The following LIG1 variants were observed in gnomAD, a reference collection of about 807,000 sequenced individuals.
LIG1 encodes ligase I, DNA, ATP-dependent.
LIG1 carries 70 observed loss-of-function variants against 115.7 expected under a neutral mutation model. The ratio of observed to expected loss-of-function variants is 0.60; its 90% CI spans 0.50 to 0.74. LIG1 has a LOEUF of 0.74. LIG1 is among the 30% of genes least tolerant of loss of function. The pLI, the probability that LIG1 is intolerant of heterozygous loss-of-function variation, is 0.00. For missense variants in LIG1, 1,115 were observed against 1,225.6 expected (o/e 0.91, Z 1.35); for synonymous variants, 487 against 495.3 (o/e 0.98, Z 0.22).
At chr19:48,125,364 A>T (rs2033594051) in intron 21 of LIG1, among the ~76,000 whole-genome samples, 1 of 152,152 alleles carries the variant, frequency 6.6e-6, no homozygotes, top group African/African-American at 2.4e-5. Flanking sequence ...TCAGACTCTG[A>T]CTGTCTTCCT....
At chr19:48,123,974 G>C (rs903943206) in intron 21 of LIG1, among the ~76,000 whole-genome samples, 3 of 152,202 alleles carry the variant, frequency 2.0e-5, no homozygotes, top group African/African-American at 7.2e-5. Flanking sequence ...CCTTGCAAGA[G>C]TGTGTGTCAG....
At chr19:48,159,799 G>T (rs546388416) in intron 4 of LIG1, among the ~76,000 whole-genome samples, 3 of 152,146 alleles carry the variant, frequency 2.0e-5, no homozygotes, top group African/African-American at 7.2e-5. Flanking sequence ...CTCACTGCAA[G>T]CTCCGCCTCC....
At chr19:48,131,249 G>C (rs1474981004) in intron 18 of LIG1, 78 bp from the exon 19 acceptor site, 1 of 1,031,536 alleles carries the variant, frequency 9.7e-7, no homozygotes, top group African/African-American at 1.6e-5. Flanking sequence ...GACCCCACCT[G>C]CACTGGTAGA....
chr19:48,133,294 G>C, intron 17 of LIG1, 197 bp from the exon 18 acceptor site: 2 of 598,668 alleles, frequency 3.3e-6, no homozygotes, highest in East Asian at 5.6e-5. Flanking sequence ...AGGTGGGAAA[G>C]GCCATGTGAT....
intron 12 of LIG1, among the ~76,000 whole-genome samples, chr19:48,139,403 T>A (rs1439756513): frequency 6.6e-6 from 1 of 152,292 alleles, no homozygotes; most frequent in South Asian, 2.1e-4. Flanking sequence ...TTCTCTCTTC[T>A]CTACAGCTGG....
At chr19:48,128,371 G>A (rs987206069) in intron 19 of LIG1, among the ~76,000 whole-genome samples, 3 of 151,986 alleles carry the variant, frequency 2.0e-5, no homozygotes, top group Non-Finnish European at 4.4e-5. Context: ...GTCCTGCACC[G>A]ATCCCCTCCA....
At chr19:48,147,669 A>G (rs1052257419) in intron 9 of LIG1, among the ~76,000 whole-genome samples, 35 of 147,352 alleles carry the variant, frequency 2.4e-4, no homozygotes, top group Admixed American at 2.7e-4. Flanking sequence ...AGAAACAAAA[A>G]ACAAAAAACC....
chr19:48,161,434 C>A lies in LIG1; in HGVS notation c.181G>T (p.Ala61Ser), dbSNP rs748738080. 6.2e-7 allele frequency: 1 copy of A among 1,614,190 alleles called. No individual in the cohort carries two copies. Residue 61 changes from alanine (A) to serine (S), a missense_variant, in exon 4 of 28, where the codon GCC (alanine) becomes TCC (serine). Ala to Ser is a moderately conservative substitution (Grantham distance 99, BLOSUM62 1). Transcript: ENST00000263274. ...SPVKRPGRKA[A>S]RVLGSEGEEE... is the part of the protein sequence containing the mutation. The stretch of plus-strand genomic sequence containing the variant: ...TCCCCTTCGCTGCCCAGGACCCGGG[C>A]CGCCTTCCTCCCTGGCCTCTTCACC...
Position 48,123,789 on chromosome 19 carries a change from C to T in LIG1, c.2005-471G>A, listed in dbSNP as rs191293071. Among the ~76,000 whole-genome samples, 684 of 151,616 alleles carry T rather than the reference C, an allele frequency of 4.5e-3. 7 individuals carry two copies. Among genetic ancestry groups the T allele is most frequent in the African/African-American group, 0.016 (658 of 41,308 alleles). On this transcript the variant is annotated intron_variant, in intron 21 of 27. Transcript: ENST00000263274. Reference sequence around the variant, plus strand: ...CACATCACAAGAGATCCACCCACCTCAGCCTCCCAAAGTGTTGGGATTACA... The same window carrying T: ...CACATCACAAGAGATCCACCCACCTTAGCCTCCCAAAGTGTTGGGATTACA...
rs193192238 is a variant in LIG1 at position 48,163,982 on chromosome 19, A to G, written c.17+1568T>C. Among the ~76,000 whole-genome samples the G allele has an allele frequency of 4.6e-5, 7 of 151,520 alleles. No individual in the cohort carries two copies. In the East Asian group the frequency reaches 1.4e-3, roughly 29 times the overall value. ...AAAAAAAATGTTGGAAGGCGTGAAC[A>G]TTAAAAAAAAAATCTGGTGAAATCT... On this transcript the variant is annotated intron_variant, in intron 2 of 27. Coordinates refer to ENST00000263274, the MANE Select transcript of LIG1 (RefSeq NM_000234.3).
intron 7 of LIG1, 50 bp from the exon 8 acceptor site, chr19:48,150,260 T>G (rs768534378): frequency 2.5e-6 from 4 of 1,602,602 alleles, no homozygotes; most frequent in Non-Finnish European, 3.4e-6. Flanking sequence ...ACCCTGAGAC[T>G]TTTTTTTTCT....
chr19:48,157,795 C>T (rs1162896722), intron 4 of LIG1, among the ~76,000 whole-genome samples: 3 of 152,208 alleles, frequency 2.0e-5, no homozygotes, highest in African/African-American at 7.2e-5. Context: ...GATCCTCCCG[C>T]CTTGGCCTCC....
At chr19:48,144,394 T>C (rs1001476806) in intron 9 of LIG1, among the ~76,000 whole-genome samples, 6 of 151,976 alleles carry the variant, frequency 3.9e-5, no homozygotes, top group Non-Finnish European at 8.8e-5. Flanking sequence ...GAAAAGGGAT[T>C]GCGTAGCTGA....
At chr19:48,121,693 T>C (rs156646) in intron 23 of LIG1, among the ~76,000 whole-genome samples, 73,052 of 151,920 alleles carry the variant, frequency 0.48, 18,019 homozygotes, top group East Asian at 0.75. Context: ...CCCAGCTACT[T>C]GGGAGGCTGA....
At chr19:48,130,918 AC>A (rs754433939) in intron 19 of LIG1, among the ~76,000 whole-genome samples, 157 bp downstream of exon 19, 13 of 152,158 alleles carry the variant, frequency 8.5e-5, no homozygotes, top group Non-Finnish European at 1.3e-4. Flanking sequence ...ATGGGCTTAC[AC>A]CACGCAGGAC....
chr19:48,165,455 T>TTTTG (rs1167945846), intron 2 of LIG1, 95 bp downstream of exon 2: 10 of 1,050,358 alleles, frequency 9.5e-6, no homozygotes, highest in African/African-American at 6.2e-5. Context: ...ACGTAAGAGT[T>TTTTG]TTTGTTTGTT....
intron 4 of LIG1, among the ~76,000 whole-genome samples, chr19:48,158,383 T>C (rs539080888): frequency 1.3e-4 from 20 of 152,264 alleles, no homozygotes; most frequent in African/African-American, 4.1e-4. Flanking sequence ...CCTCTGACCC[T>C]GTGAGACGGT....
intron 4 of LIG1, among the ~76,000 whole-genome samples, chr19:48,157,701 C>T (rs1038265957): frequency 6.6e-5 from 10 of 152,090 alleles, no homozygotes; most frequent in South Asian, 2.1e-4. Context: ...CCCGCCACCA[C>T]GCCCAGCTAA....
chr19:48,161,199 G>T, intron 4 of LIG1, 173 bp downstream of exon 4: 1 of 899,032 alleles, frequency 1.1e-6, no homozygotes. Context: ...CGAGGTCCTA[G>T]GGCAGGGGCA....
Sources: allele counts gnomAD v4.1 joint callset (sites outside exome capture counted in the v4.1 genomes callset), GRCh38; gene constraint gnomAD v4.1.1; transcripts MANE v1.5; gene names NCBI Gene and HGNC (gene_info 2026-07-23, HGNC 2026-07-21).